WWC2: variants seen among roughly 807,000 people sequenced by gnomAD.
WWC2 encodes the protein protein WWC2.
In WWC2, 101 loss-of-function variants were observed where a neutral mutation model predicts 138.5. The observed-to-expected ratio is 0.73, with a 90% CI of 0.62 to 0.86. WWC2 has a LOEUF of 0.86. Among genes scored for constraint, WWC2 ranks in the 40% least tolerant of loss-of-function variants. WWC2 has a pLI of 0.00. For synonymous variants in WWC2, 558 were observed against 538.4 expected (o/e 1.04, Z -0.50); for missense variants, 1,420 against 1,419.4 (o/e 1.00, Z -0.01).
chr4:183,305,453 A>G (rs1738994302), intron 21 of WWC2, among the ~76,000 whole-genome samples: 1 of 152,170 alleles, frequency 6.6e-6, no homozygotes, highest in Non-Finnish European at 1.5e-5. Context: ...ACAGAACATT[A>G]CACCTAAGCA....
At chr4:183,209,208 T>C (rs1261765834) in intron 4 of WWC2, among the ~76,000 whole-genome samples, 183 bp downstream of exon 4, 1 of 152,198 alleles carries the variant, frequency 6.6e-6, no homozygotes, top group Non-Finnish European at 1.5e-5. Flanking sequence ...GTCTTTATTA[T>C]TGAGACAATG....
chr4:183,288,996 TA>T (rs1163308116), intron 20 of WWC2, among the ~76,000 whole-genome samples: 1 of 152,248 alleles, frequency 6.6e-6, no homozygotes, highest in African/African-American at 2.4e-5. Flanking sequence ...CAGGCTGTAC[TA>T]TGGTAACAAC....
At chr4:183,116,002 T>C (rs573199372) in intron 1 of WWC2, among the ~76,000 whole-genome samples, 6 of 152,296 alleles carry the variant, frequency 3.9e-5, no homozygotes, top group Admixed American at 1.3e-4. Context: ...AATCCAGCTC[T>C]AGTTGACTTT....
chr4:183,115,068 T>G (rs1732367594), intron 1 of WWC2, among the ~76,000 whole-genome samples: 1 of 152,200 alleles, frequency 6.6e-6, no homozygotes, highest in African/African-American at 2.4e-5. Context: ...TTGTTCCCTT[T>G]TAGCTTCCAT....
chr4:183,128,753 T>C (rs901491808), intron 1 of WWC2, among the ~76,000 whole-genome samples: 1 of 152,246 alleles, frequency 6.6e-6, no homozygotes, highest in Admixed American at 6.5e-5. Context: ...TGGATGAATG[T>C]ACCTCTGTCC....
intron 8 of WWC2, among the ~76,000 whole-genome samples, chr4:183,251,850 TTG>T (rs112539570): frequency 0.04 from 6,031 of 152,258 alleles, 399 homozygotes; most frequent in African/African-American, 0.14. Flanking sequence ...AAGAGGCAGG[TTG>T]TGTTTCTCTG....
intron 1 of WWC2, among the ~76,000 whole-genome samples, chr4:183,108,871 A>C (rs1037299244): frequency 1.1e-4 from 17 of 152,278 alleles, no homozygotes; most frequent in African/African-American, 3.9e-4. Flanking sequence ...GGCCTCCCAA[A>C]GTGCTGGGAT....
chr4:183,303,724 CA>C (rs1345450300), intron 21 of WWC2, among the ~76,000 whole-genome samples: 2 of 152,068 alleles, frequency 1.3e-5, no homozygotes, highest in East Asian at 1.9e-4. Context: ...CAGTATTTTA[CA>C]ATATTAGGTG....
intron 1 of WWC2, among the ~76,000 whole-genome samples, chr4:183,101,087 T>C (rs1458468762): frequency 6.6e-6 from 1 of 152,264 alleles, no homozygotes; most frequent in Admixed American, 6.5e-5. Context: ...CCTGTATAAA[T>C]ATTTGACTTT....
At chr4:183,183,161 A>G (rs952114977) in intron 1 of WWC2, among the ~76,000 whole-genome samples, 4 of 152,344 alleles carry the variant, frequency 2.6e-5, no homozygotes, top group African/African-American at 9.6e-5. Context: ...AAAAGGAATT[A>G]ACATTTTTAA....
intron 2 of WWC2, among the ~76,000 whole-genome samples, chr4:183,202,513 G>A (rs377293809): frequency 6.6e-6 from 1 of 152,026 alleles, no homozygotes; most frequent in South Asian, 2.1e-4. Context: ...ATTGTTTTTC[G>A]GTCTCATCTG....
At chr4:183,256,373 A>G (rs1227230646) in intron 9 of WWC2, among the ~76,000 whole-genome samples, 1 of 152,182 alleles carries the variant, frequency 6.6e-6, no homozygotes, top group Non-Finnish European at 1.5e-5. Context: ...TTCTTTCCCA[A>G]GTAGATACAA....
chr4:183,249,431 T>C (rs756931551), intron 7 of WWC2, among the ~76,000 whole-genome samples: 2 of 152,198 alleles, frequency 1.3e-5, no homozygotes, highest in Non-Finnish European at 2.9e-5. Context: ...TTATGCTGCT[T>C]TGAAATATGT....
At chr4:183,245,265 A>G in intron 5 of WWC2, 151 bp from the exon 6 acceptor site, 1 of 386,144 alleles carries the variant, frequency 2.6e-6, no homozygotes, top group Non-Finnish European at 4.3e-6. Context: ...AGAAAGGAGG[A>G]GAAACTGCCT....
intron 1 of WWC2, among the ~76,000 whole-genome samples, chr4:183,122,986 A>G (rs566942333): frequency 5.3e-5 from 8 of 152,358 alleles, no homozygotes; most frequent in Non-Finnish European, 1.2e-4. Flanking sequence ...TTTCATTTCC[A>G]TGACATTTAC....
At chr4:183,251,701 G>C (rs1371923335) in intron 8 of WWC2, among the ~76,000 whole-genome samples, 1 of 152,148 alleles carries the variant, frequency 6.6e-6, no homozygotes, top group Non-Finnish European at 1.5e-5. Context: ...TTCAGACATT[G>C]GTTCTTTCCC....
intron 2 of WWC2, among the ~76,000 whole-genome samples, chr4:183,199,102 G>A (rs1256401777): frequency 6.6e-6 from 1 of 152,158 alleles, no homozygotes; most frequent in African/African-American, 2.4e-5. Context: ...TAACCAGGCT[G>A]GAGAAAAAGA....
chr4:183,281,057 A>C (rs1381336541), intron 17 of WWC2, 160 bp downstream of exon 17: 2 of 1,039,792 alleles, frequency 1.9e-6, no homozygotes, highest in East Asian at 6.1e-5. Context: ...GTCATTAGAG[A>C]GTTAAGGAAG....
chr4:183,208,272 A>G (rs1171705655), intron 3 of WWC2, 116 bp downstream of exon 3: 1 of 1,124,146 alleles, frequency 8.9e-7, no homozygotes, highest in Non-Finnish European at 1.2e-6. Flanking sequence ...CTAAGCAGGA[A>G]GAGTCTCTCA....
Sources: allele counts gnomAD v4.1 joint callset (sites outside exome capture counted in the v4.1 genomes callset), GRCh38; gene constraint gnomAD v4.1.1; transcripts MANE v1.5; gene names NCBI Gene and HGNC (gene_info 2026-07-23, HGNC 2026-07-21).